The following EFNA2 variants were observed in gnomAD, a reference collection of about 807,000 sequenced individuals.
EFNA2 encodes ephrin-A2.
A neutral mutation model predicts 19.7 loss-of-function variants in EFNA2; 18 were observed. The observed-to-expected ratio is 0.91, with a 90% CI of 0.63 to 1.35. EFNA2 has a LOEUF of 1.35. EFNA2 is among the 40% of genes most tolerant of loss of function. The probability of loss-of-function intolerance (pLI) is 0.00; values close to 1 mark genes in which losing one functional copy is unlikely to be tolerated. For synonymous variants in EFNA2, 187 were observed against 137.8 expected, an observed-to-expected ratio of 1.36 and a Z score of -2.50; for missense variants, 303 against 296.0, an observed-to-expected ratio of 1.02 and a Z score of -0.17.
Position 1,298,560 on chromosome 19 carries a change from C to T in EFNA2, c.464C>T (p.Pro155Leu). ...GHEYYYISAT[P>L]PNAVDRPCLR... ...ATCCCCTCTCTTCTAGCTGCCACGC[C>T]TCCCAATGCTGTGGACCGGCCCTGC... is the stretch of plus-strand genomic sequence containing the variant. Residue 155 changes from proline (P) to leucine (L), a missense_variant, in exon 3 of 4, where the codon CCT (proline) becomes CTT (leucine). Coordinates refer to ENST00000215368, the MANE Select transcript of EFNA2 (RefSeq NM_001405.4). 1.2e-6 allele frequency: 2 copies of T among 1,614,034 alleles called. No homozygotes were observed. Among genetic ancestry groups the T allele is most frequent in the South Asian group, 1.1e-5 (1 of 91,058 alleles).
chr19:1,287,260 G>A lies in EFNA2; in HGVS notation c.140+952G>A, dbSNP rs1397530632. On this transcript the variant is annotated intron_variant, in intron 1 of 3. Coordinates refer to ENST00000215368, the MANE Select transcript of EFNA2 (RefSeq NM_001405.4). This position sits in a 1 kb window ranked among gnomAD's most constrained non-coding sequence, Gnocchi z 6.2. ...GACAGGAGCAGGCTGCAGCTTCCCT[G>A]GGGGTCCCGTGGGAGCCGGGGCTTT... is the stretch of plus-strand genomic sequence containing the variant. Among the ~76,000 whole-genome samples, 1 of 152,174 alleles carries A rather than the reference G, an allele frequency of 6.6e-6. No individual in the cohort carries two copies. The highest frequency in any genetic ancestry group is 1.5e-5 in the Non-Finnish European group (1 of 68,024).
rs2081515128 is a variant in EFNA2 at position 1,296,231 on chromosome 19, G to A, written c.454+373G>A. Among the ~76,000 whole-genome samples the A allele has an allele frequency of 6.6e-6, 1 of 152,208 alleles. No homozygotes were observed. The highest frequency in any genetic ancestry group is 2.4e-5 in the African/African-American group (1 of 41,440). On this transcript the variant is annotated intron_variant, in intron 2 of 3. Coordinates refer to ENST00000215368, the MANE Select transcript of EFNA2 (RefSeq NM_001405.4). This position sits in a 1 kb window ranked among gnomAD's most constrained non-coding sequence, Gnocchi z 4.4. ...GGAGGGGGACTGAGGCTGCACTATT[G>A]TGATCTCGGGCCTCCAGCTCAGACC...
At chr19:1,288,562 G>T (rs1370798315) in intron 1 of EFNA2, among the ~76,000 whole-genome samples, 2 of 152,112 alleles carry the variant, frequency 1.3e-5, no homozygotes, top group Non-Finnish European at 2.9e-5. Context: ...GCAGACAGCA[G>T]CGTGGGCACC....
intron 1 of EFNA2, among the ~76,000 whole-genome samples, chr19:1,292,132 G>C (rs2081494322): frequency 6.6e-6 from 1 of 152,230 alleles, no homozygotes; most frequent in African/African-American, 2.4e-5. Context: ...CCTCTCCCCA[G>C]GTGCGGTTTT....
In EFNA2 at chr19:1,299,991, G is replaced by GACCGCCTGA. The variant is rs1323085489; in HGVS notation, c.*47_*55dup. ...GACCCTGCCTGGACGGCCCCGCCTG[G>GACCGCCTGA]ACCGCCTGACCTCGGCCCTCCGGAC... On this transcript the variant is annotated 3_prime_UTR_variant, in exon 4 of 4. Transcript: ENST00000215368. 3 of 1,557,334 alleles carry GACCGCCTGA rather than the reference G, an allele frequency of 1.9e-6. No homozygotes were observed. The African/African-American group carries it at 4.1e-5, about 21-fold the overall frequency.
At position 1,295,060 on chromosome 19, in the gene EFNA2, G is replaced by T. The variant is rs372905662; in HGVS notation, c.141-485G>T. Among the ~76,000 whole-genome samples, 4 of 152,210 alleles carry T rather than the reference G, an allele frequency of 2.6e-5. No individual in the cohort carries two copies. ...CCACCTCGCTGCTGGCCCTGCCGTG[G>T]GGCTGTTGGGGACACTGAGGCAGGA... On this transcript the variant is annotated intron_variant, in intron 1 of 3. Coordinates refer to ENST00000215368, the MANE Select transcript of EFNA2 (RefSeq NM_001405.4). This position sits in a 1 kb window ranked among gnomAD's most constrained non-coding sequence, Gnocchi z 5.8.
rs1465854192 is a variant in EFNA2, at chr19:1,298,439, T to A, written c.455-112T>A. 4 of 1,052,268 alleles carry A rather than the reference T, an allele frequency of 3.8e-6. No homozygotes were observed. In the East Asian group the frequency reaches 1.0e-4, roughly 27 times the overall value. 65.2% of individuals were successfully genotyped at this position (1,052,268 alleles called of 1,614,324 possible). ...TACGATTAGGAGTTTTAAGGGTGGC[T>A]CTCCACCTGGGGTCAGGGTTGATTC... On this transcript the variant is annotated intron_variant, in intron 2 of 3. Transcript: ENST00000215368.
rs943042036 is a variant in EFNA2, at chr19:1,295,831, C to T, written c.427C>T (p.Arg143Trp). 5.0e-6 allele frequency: 8 copies of T among 1,605,158 alleles called. No individual in the cohort carries two copies. The highest frequency in any genetic ancestry group is 4.1e-5 in the African/African-American group (3 of 73,984). Reference sequence around the variant, plus strand: ...GCCCTTCTCCCTGGGCTTCGAGTTCCGGCCCGGCCACGAGTATTACTACAT... The same window carrying T: ...GCCCTTCTCCCTGGGCTTCGAGTTCTGGCCCGGCCACGAGTATTACTACAT... ...FTPFSLGFEF[R>W]PGHEYYYISA... is the part of the protein sequence containing the mutation. The change falls in exon 2 of 4, where the codon CGG becomes TGG. Residue 143 changes from arginine (R) to tryptophan (W), a missense_variant. Arg to Trp is a moderately radical substitution (Grantham distance 101). Coordinates refer to ENST00000215368, the MANE Select transcript of EFNA2 (RefSeq NM_001405.4). This position sits in a 1 kb window ranked among gnomAD's most constrained non-coding sequence, Gnocchi z 5.8.
chr19:1,300,082 C>A lies in EFNA2; in HGVS notation c.*137C>A, dbSNP rs887860784. ...GCTTCTCCCTCGCCTGGTGCCGCCC[C>A]CGCCGGGCAGGGGCCATCCACCCGC... On this transcript the variant is annotated 3_prime_UTR_variant, in exon 4 of 4. Coordinates refer to ENST00000215368, the MANE Select transcript of EFNA2 (RefSeq NM_001405.4). 15 of 1,279,280 alleles carry A rather than the reference C, an allele frequency of 1.2e-5. No individual in the cohort carries two copies. Among genetic ancestry groups the A allele is most frequent in the Non-Finnish European group, 1.4e-5 (14 of 967,004 alleles). The allele number at this position is 1,279,280 out of a possible 1,614,324, so 79.2% of individuals were successfully genotyped here.
rs1265356123 is a variant in EFNA2 at position 1,286,362 on chromosome 19, C to A, written c.140+54C>A. 14 of 949,384 alleles carry A rather than the reference C, an allele frequency of 1.5e-5. No individual in the cohort carries two copies. Among genetic ancestry groups the A allele is most frequent in the Non-Finnish European group, 1.8e-5 (14 of 799,350 alleles). 58.8% of individuals were successfully genotyped at this position (949,384 alleles called of 1,614,324 possible). Reference sequence around the variant, plus strand: ...CGGGGACCCCCCAACGCCCCCCAAGCCGCGCCCGGCCTCGCGCCCCCGGAG... The same window carrying A: ...CGGGGACCCCCCAACGCCCCCCAAGACGCGCCCGGCCTCGCGCCCCCGGAG... On this transcript the variant is annotated intron_variant, in intron 1 of 3. Transcript: ENST00000215368. The surrounding 1 kb of genome is among the most constrained non-coding windows in gnomAD (Gnocchi z 5.6).
chr19:1,295,448 G>A lies in EFNA2; in HGVS notation c.141-97G>A, dbSNP rs1600059492. ...CGCCGCGCACCCCGACCCGTCCCTCGTGCTCCTGTCCCCTGACCCTGGCCC... is the reference window on the plus strand; with the variant it reads ...CGCCGCGCACCCCGACCCGTCCCTCATGCTCCTGTCCCCTGACCCTGGCCC... On this transcript the variant is annotated intron_variant, in intron 1 of 3. Coordinates refer to ENST00000215368, the MANE Select transcript of EFNA2 (RefSeq NM_001405.4). The surrounding 1 kb of genome is among the most constrained non-coding windows in gnomAD (Gnocchi z 5.8). The A allele has an allele frequency of 1.3e-5, 17 of 1,266,418 alleles. No homozygotes were observed. In the South Asian group the frequency reaches 2.1e-4, roughly 15 times the overall value. 78.4% of individuals were successfully genotyped at this position (1,266,418 alleles called of 1,614,324 possible).
intron 2 of EFNA2, 32 bp from the exon 3 acceptor site, chr19:1,298,519 T>C (rs767561812): frequency 6.2e-7 from 1 of 1,611,610 alleles, no homozygotes; most frequent in Non-Finnish European, 8.5e-7. Flanking sequence ...CAAGAGGCAC[T>C]TCCCCACTCA....
chr19:1,297,761 A>C lies in EFNA2; in HGVS notation c.455-790A>C. ...CGGTGATGCTGGAATTTTGGGCGTAAGAACCAGTTGGAAATAATCTTTCCC... is the reference window on the plus strand; with the variant it reads ...CGGTGATGCTGGAATTTTGGGCGTACGAACCAGTTGGAAATAATCTTTCCC... On this transcript the variant is annotated intron_variant, in intron 2 of 3. Coordinates refer to ENST00000215368, the MANE Select transcript of EFNA2 (RefSeq NM_001405.4). The surrounding 1 kb of genome is among the most constrained non-coding windows in gnomAD (Gnocchi z 5.0). Among the ~76,000 whole-genome samples the C allele has an allele frequency of 6.6e-6, 1 of 152,186 alleles. No individual in the cohort carries two copies. Among genetic ancestry groups the C allele is most frequent in the Non-Finnish European group, 1.5e-5 (1 of 68,034 alleles).
At chr19:1,285,420 C>T (rs74763771), upstream of EFNA2, among the ~76,000 whole-genome samples, 5,291 of 152,278 alleles carry the variant, frequency 0.035, 324 homozygotes, top group African/African-American at 0.12. This position sits in a 1 kb window ranked among gnomAD's most constrained non-coding sequence, Gnocchi z 4.1. Context: ...GAGGCGACTC[C>T]CAGGAGGGCC....
chr19:1,289,945 G>A (rs544105506), intron 1 of EFNA2, among the ~76,000 whole-genome samples: 1 of 152,314 alleles, frequency 6.6e-6, no homozygotes, highest in Non-Finnish European at 1.5e-5. Flanking sequence ...CGGCATTGGG[G>A]GCGCTAGGAG....
At chr19:1,285,872 C>T (rs1353797139), upstream of EFNA2, among the ~76,000 whole-genome samples, 1 of 146,364 alleles carries the variant, frequency 6.8e-6, no homozygotes, top group Non-Finnish European at 1.5e-5. This position sits in a 1 kb window ranked among gnomAD's most constrained non-coding sequence, Gnocchi z 4.1. Context: ...GGACAAAGGC[C>T]GGAGCCCGGG....
At position 1,295,546 on chromosome 19, in the gene EFNA2, T is replaced by TTCCACGCAGGC; in HGVS notation, c.143_153dup (p.Ala52SerfsTer16). ...CCTCTGGCCGCCTTGTCCCCGCAGG[T>TTCCACGCAGGC]TCCACGCAGGCGCGGGGGACGACGG... On this transcript the variant is annotated frameshift_variant and splice_region_variant, in exon 2 of 4. Transcript: ENST00000215368. LOFTEE classifies it high-confidence loss of function. This position sits in a 1 kb window ranked among gnomAD's most constrained non-coding sequence, Gnocchi z 5.8. The TTCCACGCAGGC allele has an allele frequency of 6.3e-7, 1 of 1,589,942 alleles. No homozygotes were observed. Among genetic ancestry groups the TTCCACGCAGGC allele is most frequent in the African/African-American group, 1.4e-5 (1 of 73,846 alleles).
rs929093635 is a variant in EFNA2, at chr19:1,297,725, G to A, written c.455-826G>A. 2.0e-5 allele frequency among the ~76,000 whole-genome samples: 3 copies of A among 152,142 alleles called. No homozygotes were observed. Among genetic ancestry groups the A allele is most frequent in the Non-Finnish European group, 2.9e-5 (2 of 68,024 alleles). ...CACTCCAGGATGCTTCTGGGGGCCCGAAAGCAGGGGCGGTGATGCTGGAAT... is the reference window on the plus strand; with the variant it reads ...CACTCCAGGATGCTTCTGGGGGCCCAAAAGCAGGGGCGGTGATGCTGGAAT... On this transcript the variant is annotated intron_variant, in intron 2 of 3. Coordinates refer to ENST00000215368, the MANE Select transcript of EFNA2 (RefSeq NM_001405.4). This position sits in a 1 kb window ranked among gnomAD's most constrained non-coding sequence, Gnocchi z 5.0.
Position 1,299,819 on chromosome 19 carries a change from C to G in EFNA2, c.521-5C>G. On this transcript the variant is annotated splice_polypyrimidine_tract_variant and splice_region_variant and intron_variant, in intron 3 of 3. Coordinates refer to ENST00000215368, the MANE Select transcript of EFNA2 (RefSeq NM_001405.4). ...CGCTGAGCGTGCTGTCTCTGCCACC[C>G]GCAGACGAGACCCTGTACGAGGCTC... is the stretch of plus-strand genomic sequence containing the variant. 6.3e-7 allele frequency: 1 copy of G among 1,597,708 alleles called. No individual in the cohort carries two copies. Among genetic ancestry groups the G allele is most frequent in the Non-Finnish European group, 8.5e-7 (1 of 1,175,670 alleles).
Sources: allele counts gnomAD v4.1 joint callset (sites outside exome capture counted in the v4.1 genomes callset), GRCh38; gene constraint gnomAD v4.1.1; non-coding constraint Gnocchi (gnomAD v3.1); transcripts MANE v1.5; gene names NCBI Gene and HGNC (gene_info 2026-07-23, HGNC 2026-07-21).